GALNT3: variants seen among roughly 807,000 people sequenced by gnomAD.
GALNT3 encodes the protein GalNAc transferase 3.
Under a neutral mutation model 69.8 loss-of-function variants are expected in GALNT3, and 51 were observed. That is an observed-to-expected ratio of 0.73 (90% confidence interval 0.58 to 0.92). The LOEUF (loss-of-function observed/expected upper bound fraction) is 0.92. Ranked by LOEUF, GALNT3 falls within the 40% of genes least tolerant of loss-of-function variation. GALNT3 has a pLI of 0.00. For synonymous variants in GALNT3, 265 were observed against 248.5 expected (o/e 1.07, Z -0.63); for missense variants, 711 against 760.0 (o/e 0.94, Z 0.76).
At chr2:165,786,009 T>C (rs963849650) in intron 1 of GALNT3, among the ~76,000 whole-genome samples, 49 of 152,204 alleles carry the variant, frequency 3.2e-4, no homozygotes, top group African/African-American at 1.1e-3. Flanking sequence ...CGTAATATGC[T>C]TGCTTGACTC....
intron 1 of GALNT3, among the ~76,000 whole-genome samples, chr2:165,792,661 T>A (rs1355829155): frequency 6.6e-6 from 1 of 152,144 alleles, no homozygotes; most frequent in African/African-American, 2.4e-5. Context: ...ACAATGGAAT[T>A]GTTATTATTA....
In GALNT3 at chr2:165,747,908, T is replaced by C. The variant is rs1259008259; in HGVS notation, c.*873A>G. On this transcript the variant is annotated 3_prime_UTR_variant, in exon 11 of 11. Transcript: ENST00000392701. ...CAAAGTCAAAAATCCATTACAATTA[T>C]AATTGAATCAGTAACAAAATTTAGC... The C allele has an allele frequency of 1.1e-5, 2 of 174,144 alleles. No homozygotes were observed. The highest frequency in any genetic ancestry group is 2.5e-5 in the Non-Finnish European group (2 of 80,314). The allele number at this position is 174,144 out of a possible 1,614,324, so 10.8% of individuals were successfully genotyped here.
chr2:165,749,584 C>A (rs1688319478), intron 10 of GALNT3, among the ~76,000 whole-genome samples, 158 bp downstream of exon 10: 1 of 152,064 alleles, frequency 6.6e-6, no homozygotes, highest in Non-Finnish European at 1.5e-5. Flanking sequence ...TAGATATATT[C>A]TCTTATCACA....
At chr2:165,757,620 C>T (rs1464392435) in intron 6 of GALNT3, among the ~76,000 whole-genome samples, 1 of 152,202 alleles carries the variant, frequency 6.6e-6, no homozygotes, top group African/African-American at 2.4e-5. Context: ...ATAGTCACTT[C>T]ACTTAAACTA....
At chr2:165,768,997 G>C (rs964956889) in intron 2 of GALNT3, among the ~76,000 whole-genome samples, 1 of 150,350 alleles carries the variant, frequency 6.7e-6, no homozygotes. Context: ...GTTTCACCAT[G>C]TTGGCCAGGC....
chr2:165,789,747 G>A (rs1683303524), intron 1 of GALNT3, among the ~76,000 whole-genome samples: 1 of 151,964 alleles, frequency 6.6e-6, no homozygotes, highest in Non-Finnish European at 1.5e-5. Context: ...TTAGAAAGGT[G>A]ATATGGTTTA....
intron 9 of GALNT3, among the ~76,000 whole-genome samples, chr2:165,753,372 C>G (rs1414923900): frequency 1.3e-5 from 2 of 151,994 alleles, no homozygotes; most frequent in African/African-American, 4.8e-5. Context: ...TGTTGCCATT[C>G]CCCACAGCCA....
rs1274825707 is a variant in GALNT3, at chr2:165,758,782, T to C, written c.1156A>G (p.Ile386Val). 6.2e-7 allele frequency: 1 copy of C among 1,606,838 alleles called. No individual in the cohort carries two copies. The highest frequency in any genetic ancestry group is 8.5e-7 in the Non-Finnish European group (1 of 1,173,542). The change falls in exon 6 of 11, where the codon ATC (isoleucine) becomes GTC (valine). Residue 386 changes from isoleucine (I) to valine (V), a missense_variant. Physicochemically the swap from Ile to Val is conservative, Grantham distance 29. Transcript: ENST00000392701. ...YIGSYDEEME[I>V]WGGENIEMSF... ...ATTTCTATATTTTCACCTCCCCAGA[T>C]TTCCATTTCTTCATCATAGCTTCCA...
chr2:165,783,374 A>C lies in GALNT3; in HGVS notation c.-109+10641T>G, dbSNP rs144876752. Among the ~76,000 whole-genome samples the C allele has an allele frequency of 9.4e-4, 142 of 151,822 alleles. 2 individuals carry two copies. The highest frequency in any genetic ancestry group is 1.7e-3 in the South Asian group (8 of 4,824). ...CACAAGCAGTAGGCAATTTCTCTCC[A>C]TTCATTCTTCCTTTGAGGCCCCAAA... On this transcript the variant is annotated intron_variant, in intron 1 of 10. Transcript: ENST00000392701.
chr2:165,781,369 C>T (rs1276410812), intron 1 of GALNT3, among the ~76,000 whole-genome samples: 2 of 151,936 alleles, frequency 1.3e-5, no homozygotes, highest in African/African-American at 2.4e-5. Context: ...CTGAGGTAGG[C>T]GAATTGCTTG....
intron 1 of GALNT3, among the ~76,000 whole-genome samples, chr2:165,784,048 G>T (rs1257329610): frequency 6.6e-6 from 1 of 152,086 alleles, no homozygotes; most frequent in Non-Finnish European, 1.5e-5. Context: ...TAAAATTTGG[G>T]TTGGAAATAA....
chr2:165,788,492 T>TGG (rs1183410245), intron 1 of GALNT3, among the ~76,000 whole-genome samples: 1 of 151,582 alleles, frequency 6.6e-6, no homozygotes, highest in African/African-American at 2.4e-5. Context: ...TGTGTGTGTG[T>TGG]GTGTGTGTGT....
intron 1 of GALNT3, among the ~76,000 whole-genome samples, chr2:165,789,707 A>G (rs79718866): frequency 2.8e-3 from 1 of 352 alleles, no homozygotes; most frequent in African/African-American, 4.9e-3. Context: ...TGTCTCATAA[A>G]AAAAAAAAAA....
intron 9 of GALNT3, among the ~76,000 whole-genome samples, chr2:165,752,617 T>C (rs1558993613): frequency 6.6e-6 from 1 of 152,184 alleles, no homozygotes; most frequent in Non-Finnish European, 1.5e-5. Flanking sequence ...TTATTATCTT[T>C]ATGAAAATGA....
At chr2:165,755,190 T>C (rs1688425001) in intron 7 of GALNT3, 127 bp from the exon 8 acceptor site, 2 of 843,700 alleles carry the variant, frequency 2.4e-6, no homozygotes, top group East Asian at 5.4e-5. Context: ...CAAGAGGCAA[T>C]TCAACAGCCT....
intron 1 of GALNT3, among the ~76,000 whole-genome samples, chr2:165,773,055 A>G (rs1042130062): frequency 1.8e-4 from 27 of 152,196 alleles, no homozygotes; most frequent in African/African-American, 6.0e-4. Context: ...TGATTTCAAG[A>G]GAGTCCAGGA....
chr2:165,749,666 T>C, intron 10 of GALNT3, 76 bp downstream of exon 10: 1 of 1,212,728 alleles, frequency 8.2e-7, no homozygotes. Context: ...ATGTACCATG[T>C]TCCACTCATT....
At chr2:165,776,483 A>C (rs1036874211) in intron 1 of GALNT3, among the ~76,000 whole-genome samples, 2 of 152,142 alleles carry the variant, frequency 1.3e-5, no homozygotes, top group African/African-American at 4.8e-5. Context: ...TAATTACCAA[A>C]GATCAGATTC....
chr2:165,775,105 G>C (rs1688823761), intron 1 of GALNT3, among the ~76,000 whole-genome samples: 1 of 151,738 alleles, frequency 6.6e-6, no homozygotes, highest in South Asian at 2.1e-4. Flanking sequence ...GAGATTAAGT[G>C]GCTTGGCCAT....
Sources: gnomAD v4.1 joint callset for allele counts (sites outside exome capture counted in the v4.1 genomes callset) on GRCh38, gnomAD v4.1.1 for gene constraint, MANE v1.5 for transcripts, NCBI Gene and HGNC (gene_info 2026-07-23, HGNC 2026-07-21) for gene names.